The following BMP1 variants were observed in gnomAD, a reference collection of about 807,000 sequenced individuals.
BMP1 encodes the protein mammalian tolloid protein.
In BMP1, 63 loss-of-function variants were observed where a neutral mutation model predicts 116.8. That is an observed-to-expected ratio of 0.54 (90% confidence interval 0.44 to 0.67). The LOEUF is 0.67. Ranked by LOEUF, BMP1 falls within the 30% of genes least tolerant of loss-of-function variation. The probability of loss-of-function intolerance (pLI) is 0.00; values close to 1 mark genes in which losing one functional copy is unlikely to be tolerated. For synonymous variants in BMP1, 536 were observed against 533.4 expected (o/e 1.00, Z -0.07); for missense variants, 1,183 against 1,358.9 (o/e 0.87, Z 2.04).
At position 22,209,572 on chromosome 8, in the gene BMP1, C is replaced by A; in HGVS notation, c.2703C>A (p.Gly901=). 6.2e-7 allele frequency: 1 copy of A among 1,614,222 alleles called. No individual in the cohort carries two copies. The highest frequency in any genetic ancestry group is 1.1e-5 in the South Asian group (1 of 91,088). ...TCATTGTGGCCGAGGAAGGCTACGG[C>A]GTGGAGCTCGTGTTCCAGACCTTTG... ...EWVIVAEEGY[G]VELVFQTFEV... is the part of the protein sequence containing the mutation. The change falls in exon 19 of 20, where the codon GGC becomes GGA. Residue 901 remains glycine (G), a synonymous_variant. Transcript: ENST00000306385.
At chr8:22,200,146 G>A (rs998062622) in intron 15 of BMP1, among the ~76,000 whole-genome samples, 1 of 152,170 alleles carries the variant, frequency 6.6e-6, no homozygotes, top group African/African-American at 2.4e-5. Context: ...TCCTCCAAGT[G>A]ACCACAGACA....
intron 18 of BMP1, among the ~76,000 whole-genome samples, 161 bp from the exon 19 acceptor site, chr8:22,209,284 G>A (rs1487421456): frequency 6.6e-6 from 1 of 152,214 alleles, no homozygotes; most frequent in Non-Finnish European, 1.5e-5. Context: ...AGATGGGGCA[G>A]CACAGCAATG....
At chr8:22,191,797 G>T (rs1260686646) in intron 8 of BMP1, among the ~76,000 whole-genome samples, 1 of 152,200 alleles carries the variant, frequency 6.6e-6, no homozygotes, top group East Asian at 1.9e-4. Context: ...ACTATGAAGA[G>T]AGCTGGAGCC....
At position 22,165,391 on chromosome 8, in the gene BMP1, C is replaced by G. The variant is rs373839736; in HGVS notation, c.-15C>G. The G allele has an allele frequency of 0.012, 17,239 of 1,446,040 alleles. 139 individuals carry two copies. Among genetic ancestry groups the G allele is most frequent in the Non-Finnish European group, 0.014 (15,611 of 1,105,220 alleles). The allele number at this position is 1,446,040 out of a possible 1,614,324, so 89.6% of individuals were successfully genotyped here. On this transcript the variant is annotated 5_prime_UTR_variant, in exon 1 of 20. Coordinates refer to ENST00000306385, the MANE Select transcript of BMP1 (RefSeq NM_006129.5). ...GCCTCCAGTGCGCCGCTTCCCTCGC[C>G]GCCGCCCCGCCAGCATGCCCGGCGT...
In BMP1 at chr8:22,195,675, TTGCTC is replaced by T; in HGVS notation, c.1765+91_1765+95del. 12 of 1,534,460 alleles carry T rather than the reference TTGCTC, an allele frequency of 7.8e-6. No homozygotes were observed. In the South Asian group the frequency reaches 1.5e-4, roughly 19 times the overall value. On this transcript the variant is annotated intron_variant, in intron 13 of 19. Transcript: ENST00000306385. The stretch of plus-strand genomic sequence containing the variant: ...ATTTTTTTTTTTTTTAGACAGGCTT[TTGCTC>T]TGTCACCCAGGCTGGAAGTACAGTG...
At chr8:22,165,882 C>CGTGCGTGCGTGT (rs1016666673) in intron 1 of BMP1, among the ~76,000 whole-genome samples, 8 of 131,418 alleles carry the variant, frequency 6.1e-5, no homozygotes, top group Admixed American at 1.5e-4. Flanking sequence ...CCTGTGCGTG[C>CGTGCGTGCGTGT]GTGTGTGTGT....
chr8:22,187,125 G>T (rs1295566687), intron 8 of BMP1, among the ~76,000 whole-genome samples: 2 of 151,128 alleles, frequency 1.3e-5, no homozygotes, highest in Non-Finnish European at 2.9e-5. Flanking sequence ...CAAGTAACCG[G>T]GACTACTGGC....
At chr8:22,180,544 C>T in intron 8 of BMP1, 61 bp downstream of exon 8, 1 of 1,472,408 alleles carries the variant, frequency 6.8e-7, no homozygotes, top group South Asian at 1.2e-5. Context: ...ACCTCAGGGA[C>T]TTCTCCCACA....
At position 22,212,036 on chromosome 8, in the gene BMP1, C is replaced by A; in HGVS notation, c.*308C>A. 1 of 424,544 alleles carries A rather than the reference C, an allele frequency of 2.4e-6. No individual in the cohort carries two copies. Among genetic ancestry groups the A allele is most frequent in the Non-Finnish European group, 4.4e-6 (1 of 228,980 alleles). The allele number at this position is 424,544 out of a possible 1,614,324, so 26.3% of individuals were successfully genotyped here. A position where few individuals can be genotyped will look rare whatever the true frequency, so the allele number is the denominator to read the frequency against. ...GCAAGAGGGAATGTCAGCAGGACCC[C>A]ATCGCCATCCCTGTGTCTCTACACG... On this transcript the variant is annotated 3_prime_UTR_variant, in exon 20 of 20. Coordinates refer to ENST00000306385, the MANE Select transcript of BMP1 (RefSeq NM_006129.5).
At position 22,194,828 on chromosome 8, in the gene BMP1, T is replaced by C. The variant is rs1829034931; in HGVS notation, c.1548T>C (p.Asp516=). 1 of 1,613,284 alleles carries C rather than the reference T, an allele frequency of 6.2e-7. No homozygotes were observed. Among genetic ancestry groups the C allele is most frequent in the Non-Finnish European group, 8.5e-7 (1 of 1,179,710 alleles). The part of the protein sequence containing the change: ...IGRYCGYEKP[D]DIKSTSSRLW... ...GCTACTGTGGCTATGAGAAGCCTGATGACATCAAGAGCACGTCCAGCCGCC... is the reference window on the plus strand; with the variant it reads ...GCTACTGTGGCTATGAGAAGCCTGACGACATCAAGAGCACGTCCAGCCGCC... The change falls in exon 12 of 20, where the codon GAT becomes GAC. Residue 516 remains aspartate, a synonymous_variant. Coordinates refer to ENST00000306385, the MANE Select transcript of BMP1 (RefSeq NM_006129.5). The surrounding 1 kb of genome is among the most constrained non-coding windows in gnomAD (Gnocchi z 4.5).
intron 16 of BMP1, among the ~76,000 whole-genome samples, chr8:22,204,848 C>T (rs533552269): frequency 7.9e-5 from 12 of 151,718 alleles, no homozygotes; most frequent in Non-Finnish European, 1.5e-4. Context: ...CGAGTGTTCT[C>T]GAAGGCTAGC....
intron 8 of BMP1, among the ~76,000 whole-genome samples, chr8:22,185,494 G>A (rs1474588346): frequency 6.6e-6 from 1 of 151,874 alleles, no homozygotes; most frequent in Non-Finnish European, 1.5e-5. Context: ...AAAAAAAGAA[G>A]GGAATCATGG....
At position 22,198,124 on chromosome 8, in the gene BMP1, G is replaced by A. The variant is rs975294763; in HGVS notation, c.2107+704G>A. ...TGCTTGAGCCCAGGAGTTTGAGGCT[G>A]TAGTGAACGATGATCTCGTCACTCA... is the stretch of plus-strand genomic sequence containing the variant. On this transcript the variant is annotated intron_variant, in intron 15 of 19. Transcript: ENST00000306385. 3.9e-5 allele frequency among the ~76,000 whole-genome samples: 6 copies of A among 152,198 alleles called. 1 individual carries two copies. The highest frequency in any genetic ancestry group is 2.0e-4 in the Admixed American group (3 of 15,286).
At chr8:22,196,884 G>T in intron 14 of BMP1, 44 bp downstream of exon 14, 1 of 1,579,868 alleles carries the variant, frequency 6.3e-7, no homozygotes, top group Non-Finnish European at 8.6e-7. Flanking sequence ...AAGCTGTGAG[G>T]CGTGGGCATT....
Position 22,196,801 on chromosome 8 carries a change from C to T in BMP1, c.1887C>T (p.Ile629=), listed in dbSNP as rs748826716. The T allele has an allele frequency of 2.1e-5, 34 of 1,613,978 alleles. No individual in the cohort carries two copies. Among genetic ancestry groups the T allele is most frequent in the African/African-American group, 8.0e-5 (6 of 74,924 alleles). Residue 629 remains isoleucine, a synonymous_variant, in exon 14 of 20, where the codon ATC becomes ATT. Coordinates refer to ENST00000306385, the MANE Select transcript of BMP1 (RefSeq NM_006129.5). ...WQLVAPTQYR[I]SLQFDFFETE... ...TGGTGGCCCCCACCCAGTACCGCATCTCCCTGCAGTTTGACTTCTTTGAGA... is the reference window on the plus strand; with the variant it reads ...TGGTGGCCCCCACCCAGTACCGCATTTCCCTGCAGTTTGACTTCTTTGAGA...
chr8:22,179,875 G>C lies in BMP1; in HGVS notation c.961+46G>C. On this transcript the variant is annotated intron_variant, in intron 7 of 19. Coordinates refer to ENST00000306385, the MANE Select transcript of BMP1 (RefSeq NM_006129.5). The surrounding 1 kb of genome is among the most constrained non-coding windows in gnomAD (Gnocchi z 4.6). ...GGTGAGGGCGTGGAGGGCAGGGCCTGAGGGAGGCAGAGGCCAGGTGCCTGG... is the reference window on the plus strand; with the variant it reads ...GGTGAGGGCGTGGAGGGCAGGGCCTCAGGGAGGCAGAGGCCAGGTGCCTGG... 6.4e-7 allele frequency: 1 copy of C among 1,564,272 alleles called. No homozygotes were observed. Among genetic ancestry groups the C allele is most frequent in the Non-Finnish European group, 8.7e-7 (1 of 1,148,326 alleles).
At chr8:22,201,509 C>T in intron 15 of BMP1, 11 of 1,400,482 alleles carry the variant, frequency 7.9e-6, no homozygotes, top group Non-Finnish European at 1.0e-5. Context: ...GTCTATTTTT[C>T]CACTTGTCCA....
intron 8 of BMP1, among the ~76,000 whole-genome samples, chr8:22,187,404 T>C: frequency 6.6e-6 from 1 of 151,058 alleles, no homozygotes; most frequent in East Asian, 1.9e-4. Context: ...TGATCTCGGC[T>C]CACTGCAAGC....
chr8:22,194,250 C>A lies in BMP1; in HGVS notation c.1297+76C>A. 1 of 1,508,868 alleles carries A rather than the reference C, an allele frequency of 6.6e-7. No individual in the cohort carries two copies. Among genetic ancestry groups the A allele is most frequent in the Admixed American group, 1.7e-5 (1 of 59,454 alleles). The allele number at this position is 1,508,868 out of a possible 1,614,324, so 93.5% of individuals were successfully genotyped here. A position where few individuals can be genotyped will look rare whatever the true frequency, so the allele number is the denominator to read the frequency against. ...ATGGTAAAACAACTCCCTCCTGGCA[C>A]CTGAGGGGCAAGATTGTGGGTTCCC... is the stretch of plus-strand genomic sequence containing the variant. On this transcript the variant is annotated intron_variant, in intron 10 of 19. Coordinates refer to ENST00000306385, the MANE Select transcript of BMP1 (RefSeq NM_006129.5). This position sits in a 1 kb window ranked among gnomAD's most constrained non-coding sequence, Gnocchi z 4.5.
Sources: gnomAD v4.1 joint callset for allele counts (sites outside exome capture counted in the v4.1 genomes callset) on GRCh38, gnomAD v4.1.1 for gene constraint, Gnocchi (gnomAD v3.1) non-coding constraint, MANE v1.5 for transcripts, NCBI Gene and HGNC (gene_info 2026-07-23, HGNC 2026-07-21) for gene names.